The following TMTC1 variants were observed in gnomAD, a reference collection of about 807,000 sequenced individuals.
TMTC1 encodes transmembrane O-mannosyltransferase targeting cadherins 1, also known as protein O-mannosyl-transferase TMTC1.
Under a neutral mutation model 104.8 loss-of-function variants are expected in TMTC1, and 73 were observed. The ratio of observed to expected loss-of-function variants is 0.70; its 90% CI spans 0.58 to 0.85. TMTC1 has a LOEUF of 0.85. Among genes scored for constraint, TMTC1 ranks in the 40% least tolerant of loss-of-function variants. TMTC1 has a pLI of 0.00. For missense variants in TMTC1, 1,035 were observed against 1,096.1 expected (o/e 0.94, Z 0.79); for synonymous variants, 434 against 428.7 (o/e 1.01, Z -0.15).
intron 6 of TMTC1, among the ~76,000 whole-genome samples, chr12:29,615,328 G>A (rs762240332): frequency 3.9e-5 from 6 of 152,084 alleles, no homozygotes; most frequent in African/African-American, 9.7e-5. Context: ...AAAGGTTCCC[G>A]CTGAGGTGCA....
chr12:29,757,862 G>A (rs768602024), intron 3 of TMTC1, among the ~76,000 whole-genome samples: 29 of 152,038 alleles, frequency 1.9e-4, no homozygotes, highest in Non-Finnish European at 3.7e-4. Context: ...CAGATCTCGT[G>A]AGACTTATTC....
chr12:29,758,248 G>C (rs1454850610), intron 3 of TMTC1, among the ~76,000 whole-genome samples: 2 of 152,170 alleles, frequency 1.3e-5, no homozygotes, highest in Non-Finnish European at 2.9e-5. Flanking sequence ...CCACAGTCGA[G>C]AAATGCTACT....
intron 5 of TMTC1, among the ~76,000 whole-genome samples, chr12:29,672,669 T>C (rs767553815): frequency 7.2e-5 from 11 of 152,136 alleles, no homozygotes; most frequent in Non-Finnish European, 1.5e-4. Context: ...ATTCACATGC[T>C]CTGAAGCAAC....
intron 11 of TMTC1, among the ~76,000 whole-genome samples, chr12:29,522,904 A>G (rs1944220738): frequency 6.6e-6 from 1 of 152,214 alleles, no homozygotes; most frequent in Non-Finnish European, 1.5e-5. Flanking sequence ...AAACACTTAG[A>G]ACAATGCTCA....
chr12:29,694,200 C>G (rs750985687), intron 5 of TMTC1, among the ~76,000 whole-genome samples: 2 of 152,178 alleles, frequency 1.3e-5, no homozygotes, highest in African/African-American at 2.4e-5. Flanking sequence ...TGACTCTCTA[C>G]GCTTGCCTAT....
chr12:29,727,268 G>A (rs1312535453), intron 5 of TMTC1, among the ~76,000 whole-genome samples: 4 of 152,198 alleles, frequency 2.6e-5, no homozygotes, highest in African/African-American at 7.2e-5. Context: ...GCATACTGCA[G>A]GTACAGCTAT....
At chr12:29,782,347 T>C (rs1943853017) in intron 1 of TMTC1, among the ~76,000 whole-genome samples, 1 of 152,194 alleles carries the variant, frequency 6.6e-6, no homozygotes, top group Non-Finnish European at 1.5e-5. Flanking sequence ...CTTTTCTGAG[T>C]CATCAGAGAC....
intron 5 of TMTC1, among the ~76,000 whole-genome samples, chr12:29,714,008 A>G (rs1043071472): frequency 6.6e-6 from 1 of 152,044 alleles, no homozygotes; most frequent in African/African-American, 2.4e-5. Context: ...ATTCTTTCTC[A>G]CCGGAGGGCA....
At chr12:29,756,845 T>C (rs574103188) in intron 3 of TMTC1, among the ~76,000 whole-genome samples, 1 of 152,316 alleles carries the variant, frequency 6.6e-6, no homozygotes, top group African/African-American at 2.4e-5. Flanking sequence ...GGCATTTTTT[T>C]CTATTGAGTT....
rs983975217 is a variant in TMTC1 at position 29,543,013 on chromosome 12, C to T, written c.1677-6696G>A. On this transcript the variant is annotated intron_variant, in intron 10 of 17. Coordinates refer to ENST00000539277, the MANE Select transcript of TMTC1 (RefSeq NM_001193451.2). ...AAAACTCAACTCTCTCATGTTTCCC[C>T]CGGGAGCTTCCAAAAGGCTAAAAAA... 2.0e-5 allele frequency among the ~76,000 whole-genome samples: 3 copies of T among 152,264 alleles called. No individual in the cohort carries two copies. In the East Asian group the frequency reaches 5.8e-4, roughly 29 times the overall value.
chr12:29,526,291 T>C (rs941880557), intron 11 of TMTC1, among the ~76,000 whole-genome samples: 1 of 152,210 alleles, frequency 6.6e-6, no homozygotes, highest in Non-Finnish European at 1.5e-5. Context: ...CAGGTGGCCA[T>C]TTAGGCTCTC....
intron 15 of TMTC1, 131 bp downstream of exon 15, chr12:29,516,218 G>T: frequency 8.7e-7 from 1 of 1,146,406 alleles, no homozygotes; most frequent in Non-Finnish European, 1.2e-6. Context: ...AAGTTTCCAA[G>T]AGATAGGATA....
chr12:29,688,422 A>G (rs1941163404), intron 5 of TMTC1, among the ~76,000 whole-genome samples: 1 of 152,220 alleles, frequency 6.6e-6, no homozygotes, highest in African/African-American at 2.4e-5. Flanking sequence ...ACTCCCAGAA[A>G]GGAGGTTATT....
chr12:29,757,545 G>C (rs183616607), intron 3 of TMTC1, among the ~76,000 whole-genome samples: 1 of 152,238 alleles, frequency 6.6e-6, no homozygotes, highest in African/African-American at 2.4e-5. Context: ...TAAGACTATA[G>C]GTCAATGAAC....
chr12:29,724,860 C>A (rs1185772300), intron 5 of TMTC1, among the ~76,000 whole-genome samples: 3 of 152,044 alleles, frequency 2.0e-5, no homozygotes, highest in Admixed American at 6.6e-5. Flanking sequence ...TTAAAAAATT[C>A]TCTATCTACT....
chr12:29,613,214 T>C (rs775945043), intron 6 of TMTC1, among the ~76,000 whole-genome samples: 3 of 152,192 alleles, frequency 2.0e-5, no homozygotes, highest in Non-Finnish European at 2.9e-5. Context: ...TCCATGTGCA[T>C]TGAGATCTAA....
intron 5 of TMTC1, among the ~76,000 whole-genome samples, chr12:29,739,143 C>T (rs1314418575): frequency 6.6e-6 from 1 of 152,144 alleles, no homozygotes; most frequent in Non-Finnish European, 1.5e-5. Flanking sequence ...GATGAGCTTG[C>T]CACTGCCCTG....
intron 10 of TMTC1, among the ~76,000 whole-genome samples, chr12:29,548,107 G>C (rs1944989059): frequency 6.6e-6 from 1 of 152,168 alleles, no homozygotes; most frequent in Admixed American, 6.5e-5. Context: ...CCTCAACTGA[G>C]AAAGATTCCC....
chr12:29,646,642 A>G (rs899555460), intron 5 of TMTC1, among the ~76,000 whole-genome samples: 5 of 152,190 alleles, frequency 3.3e-5, no homozygotes, highest in African/African-American at 1.2e-4. Flanking sequence ...TAAATAAATT[A>G]TGACGACGTA....
Sources: allele counts gnomAD v4.1 joint callset (sites outside exome capture counted in the v4.1 genomes callset), GRCh38; gene constraint gnomAD v4.1.1; transcripts MANE v1.5; gene names NCBI Gene and HGNC (gene_info 2026-07-23, HGNC 2026-07-21).